The following SPATA6 variants were observed in gnomAD, a reference collection of about 807,000 sequenced individuals.
SPATA6 encodes spermatogenesis-associated protein 6.
Under a neutral mutation model 65.3 loss-of-function variants are expected in SPATA6, and 56 were observed. The ratio of observed to expected loss-of-function variants is 0.86; its 90% confidence interval spans 0.69 to 1.07. The LOEUF is 1.07. Among genes scored for constraint, SPATA6 ranks in the 50% least tolerant of loss-of-function variants. The probability of loss-of-function intolerance (pLI) is 0.00; values close to 1 mark genes in which losing one functional copy is unlikely to be tolerated. For synonymous variants in SPATA6, 199 were observed against 213.2 expected (o/e 0.93, Z 0.58); for missense variants, 590 against 594.8 (o/e 0.99, Z 0.08).
chr1:48,354,374 C>A (rs945599440), intron 11 of SPATA6, among the ~76,000 whole-genome samples: 3 of 152,014 alleles, frequency 2.0e-5, no homozygotes, highest in African/African-American at 7.2e-5. Context: ...CTGATTAATT[C>A]CACTGGTAGA....
intron 11 of SPATA6, among the ~76,000 whole-genome samples, chr1:48,348,037 T>C (rs1397357448): frequency 6.6e-6 from 1 of 152,056 alleles, no homozygotes; most frequent in Non-Finnish European, 1.5e-5. Flanking sequence ...ATCTCCTCAC[T>C]TGACTGGCCC....
At chr1:48,413,456 CTTTTTTTTT>C (rs35376845) in intron 3 of SPATA6, among the ~76,000 whole-genome samples, 1 of 110,878 alleles carries the variant, frequency 9.0e-6, no homozygotes, top group Non-Finnish European at 1.8e-5. Flanking sequence ...CGCCCGGATA[CTTTTTTTTT>C]TTTTTTTTTT....
chr1:48,365,160 C>A (rs1205640283), intron 9 of SPATA6, among the ~76,000 whole-genome samples: 2 of 152,080 alleles, frequency 1.3e-5, no homozygotes, highest in African/African-American at 4.8e-5. Context: ...TGATCTATAT[C>A]TCTGTTTTGG....
At chr1:48,357,285 A>G (rs1646687617) in intron 10 of SPATA6, among the ~76,000 whole-genome samples, 1 of 152,160 alleles carries the variant, frequency 6.6e-6, no homozygotes, top group Non-Finnish European at 1.5e-5. Context: ...GAAGGAAACA[A>G]CTTCTGAAAT....
At chr1:48,280,334 G>C in the SPATA6 span, among the ~76,000 whole-genome samples, 2 of 152,112 alleles carry the variant, frequency 1.3e-5, no homozygotes, top group East Asian at 3.8e-4. Context: ...ACTAAAATCA[G>C]AGCAGAACTG....
At chr1:48,302,827 T>A (rs974759463) in intron 12 of SPATA6, among the ~76,000 whole-genome samples, 2 of 152,048 alleles carry the variant, frequency 1.3e-5, no homozygotes, top group African/African-American at 4.8e-5. Flanking sequence ...TCAGGATCTT[T>A]ACTGTCTGCC....
chr1:48,327,601 A>G (rs1188885427), intron 11 of SPATA6, among the ~76,000 whole-genome samples: 1 of 152,186 alleles, frequency 6.6e-6, no homozygotes, highest in Non-Finnish European at 1.5e-5. Context: ...TGGGCAAAGA[A>G]AATGTGATGT....
intron 3 of SPATA6, 84 bp downstream of exon 3, chr1:48,451,468 T>C (rs921926917): frequency 7.3e-6 from 10 of 1,367,330 alleles, no homozygotes; most frequent in Non-Finnish European, 9.0e-6. Context: ...TTTTAAACTT[T>C]TATTTAACCC....
At chr1:48,406,971 C>T (rs534890791) in intron 5 of SPATA6, among the ~76,000 whole-genome samples, 90 of 152,264 alleles carry the variant, frequency 5.9e-4, no homozygotes, top group South Asian at 5.4e-3. Flanking sequence ...AGAAGGAGTG[C>T]GCTGTTTTCT....
chr1:48,346,536 C>G (rs974675204), intron 11 of SPATA6, among the ~76,000 whole-genome samples: 1 of 152,008 alleles, frequency 6.6e-6, no homozygotes, highest in Non-Finnish European at 1.5e-5. Context: ...TCCCTGTTTG[C>G]AGATTATATG....
At chr1:48,266,032 C>A in the SPATA6 span, among the ~76,000 whole-genome samples, 1 of 152,136 alleles carries the variant, frequency 6.6e-6, no homozygotes. Flanking sequence ...CTAAACATTT[C>A]TAGTAGAGCT....
chr1:48,274,683 T>A, the SPATA6 span, among the ~76,000 whole-genome samples: 3 of 152,230 alleles, frequency 2.0e-5, no homozygotes, highest in East Asian at 5.8e-4. Flanking sequence ...GCCTCTGTTC[T>A]GTTCCATTGG....
At chr1:48,268,216 C>T in the SPATA6 span, among the ~76,000 whole-genome samples, 2 of 152,176 alleles carry the variant, frequency 1.3e-5, no homozygotes, top group South Asian at 2.1e-4. Flanking sequence ...CTTCTCTACC[C>T]AGCACTTCTG....
intron 11 of SPATA6, among the ~76,000 whole-genome samples, chr1:48,340,246 A>G (rs1240586984): frequency 4.9e-5 from 3 of 61,500 alleles, no homozygotes; most frequent in African/African-American, 9.2e-5. Context: ...TGCACTAAAA[A>G]AAAAAAAAAA....
intron 1 of SPATA6, among the ~76,000 whole-genome samples, chr1:48,470,957 G>A (rs1487841537): frequency 1.3e-5 from 2 of 152,208 alleles, no homozygotes; most frequent in African/African-American, 2.4e-5. Context: ...GTACAGGTCT[G>A]TGCCTGCAGG....
intron 11 of SPATA6, among the ~76,000 whole-genome samples, chr1:48,345,364 G>A (rs954923928): frequency 6.6e-6 from 1 of 152,092 alleles, no homozygotes; most frequent in Non-Finnish European, 1.5e-5. Flanking sequence ...TAAATTTATA[G>A]AACTAGATGC....
intron 3 of SPATA6, among the ~76,000 whole-genome samples, chr1:48,441,453 G>C (rs901670371): frequency 6.6e-6 from 1 of 152,170 alleles, no homozygotes; most frequent in African/African-American, 2.4e-5. Context: ...ATGCCTGAAA[G>C]TCCCATACCC....
In SPATA6 at chr1:48,395,368, G is replaced by T; in HGVS notation, c.781-14C>A. ...TGGGGGATCAACCTAGAGGAAGCAG[G>T]ATTTTTATGTAAAAGAGAGTTTAAA... On this transcript the variant is annotated splice_polypyrimidine_tract_variant and intron_variant, in intron 7 of 12. Coordinates refer to ENST00000371847, the MANE Select transcript of SPATA6 (RefSeq NM_019073.4). 6.6e-7 allele frequency: 1 copy of T among 1,518,380 alleles called. No individual in the cohort carries two copies. The highest frequency in any genetic ancestry group is 1.3e-5 in the South Asian group (1 of 75,966). The allele number at this position is 1,518,380 out of a possible 1,614,324, so 94.1% of individuals were successfully genotyped here. A position where few individuals can be genotyped will look rare whatever the true frequency, so the allele number is the denominator to read the frequency against.
At chr1:48,274,249 T>C in the SPATA6 span, among the ~76,000 whole-genome samples, 1 of 152,194 alleles carries the variant, frequency 6.6e-6, no homozygotes, top group Non-Finnish European at 1.5e-5. Flanking sequence ...TAGCCCTATG[T>C]CAGATGGATA....
Sources: gnomAD v4.1 joint callset for allele counts (sites outside exome capture counted in the v4.1 genomes callset) on GRCh38, gnomAD v4.1.1 for gene constraint, MANE v1.5 for transcripts, NCBI Gene and HGNC (gene_info 2026-07-23, HGNC 2026-07-21) for gene names.